The following TET3 variants were observed in gnomAD, a reference collection of about 807,000 sequenced individuals.
The protein encoded by TET3 is tet methylcytosine dioxygenase 3.
A neutral mutation model predicts 141.4 loss-of-function variants in TET3; 19 were observed. The observed-to-expected ratio is 0.13, with a 90% CI of 0.09 to 0.20. The LOEUF is 0.20. Among genes scored for constraint, TET3 ranks in the 10% least tolerant of loss-of-function variants. TET3 has a pLI of 1.00. For synonymous variants in TET3, 1,043 were observed against 980.9 expected (o/e 1.06, Z -1.18); for missense variants, 1,874 against 2,356.9 (o/e 0.80, Z 4.24).
In TET3 at chr2:74,046,397, A is replaced by C; in HGVS notation, c.480A>C (p.Arg160Ser). ...CAGGGGTGCCGGTCAATGGTGCTAGAGAGCCCGCTGGACCCAGTCTGCTGG... is the reference window on the plus strand; with the variant it reads ...CAGGGGTGCCGGTCAATGGTGCTAGCGAGCCCGCTGGACCCAGTCTGCTGG... ...SASGVPVNGA[R>S]EPAGPSLLGT... Residue 160 changes from arginine to serine, a missense_variant, in exon 4 of 12, where the codon AGA becomes AGC. By Grantham distance (110) the Arg-to-Ser change is moderately radical. Around this residue, in one of 10 missense-constraint regions of TET3, gnomAD observed 366 missense variants for 487.0 expected, o/e 0.75. Coordinates refer to ENST00000409262, the MANE Select transcript of TET3 (RefSeq NM_001287491.2). This position sits in a 1 kb window ranked among gnomAD's most constrained non-coding sequence, Gnocchi z 4.3. The C allele has an allele frequency of 6.4e-7, 1 of 1,566,630 alleles. No homozygotes were observed. The highest frequency in any genetic ancestry group is 1.4e-5 in the African/African-American group (1 of 73,638).
chr2:74,075,956 G>A (rs149523140), intron 5 of TET3, among the ~76,000 whole-genome samples: 4 of 152,292 alleles, frequency 2.6e-5, no homozygotes, highest in Non-Finnish European at 5.9e-5. Flanking sequence ...TTTTTGTAAG[G>A]AATCCTGACA....
chr2:74,025,487 C>T (rs1400454764), intron 3 of TET3, among the ~76,000 whole-genome samples: 4 of 151,804 alleles, frequency 2.6e-5, no homozygotes, highest in Non-Finnish European at 5.9e-5. Flanking sequence ...CGGGGTTTCA[C>T]CTTGTTAGCC....
At chr2:74,018,707 T>A (rs1685865929) in intron 3 of TET3, among the ~76,000 whole-genome samples, 1 of 151,882 alleles carries the variant, frequency 6.6e-6, no homozygotes, top group Non-Finnish European at 1.5e-5. Flanking sequence ...ATTACCACCA[T>A]TTTTATATAA....
At chr2:74,015,622 C>T (rs1000722522) in intron 3 of TET3, among the ~76,000 whole-genome samples, 1 of 152,072 alleles carries the variant, frequency 6.6e-6, no homozygotes, top group African/African-American at 2.4e-5. Context: ...TATAATTTAA[C>T]TTCTTATTGA....
At chr2:74,131,270 A>G in the TET3 span, among the ~76,000 whole-genome samples, 1 of 152,222 alleles carries the variant, frequency 6.6e-6, no homozygotes, top group East Asian at 1.9e-4. Context: ...TGACCTTCTC[A>G]GTCCATTTGT....
At chr2:74,134,097 A>G in the TET3 span, among the ~76,000 whole-genome samples, 1 of 152,186 alleles carries the variant, frequency 6.6e-6, no homozygotes, top group Non-Finnish European at 1.5e-5. Context: ...AGAAAGACAA[A>G]TAGGTTCCAC....
At chr2:74,115,339 T>C in the TET3 span, among the ~76,000 whole-genome samples, 2 of 152,300 alleles carry the variant, frequency 1.3e-5, no homozygotes, top group East Asian at 3.9e-4. Flanking sequence ...AAATACCACA[T>C]GTTCTCACTT....
intron 4 of TET3, among the ~76,000 whole-genome samples, chr2:74,052,255 C>T (rs61190810): frequency 0.012 from 1,860 of 152,246 alleles, 38 homozygotes; most frequent in African/African-American, 0.042. Context: ...GCTAGGATTA[C>T]AGGTATAAGC....
At chr2:74,071,645 G>C (rs1174692573) in intron 4 of TET3, among the ~76,000 whole-genome samples, 1 of 152,174 alleles carries the variant, frequency 6.6e-6, no homozygotes, top group Non-Finnish European at 1.5e-5. Context: ...GATTTCATCA[G>C]TTTTTCCACC....
Position 74,046,381 on chromosome 2 carries a change from C to A in TET3, c.464C>A (p.Pro155Gln), listed in dbSNP as rs766359553. 1.9e-6 allele frequency: 3 copies of A among 1,540,804 alleles called. No homozygotes were observed. The highest frequency in any genetic ancestry group is 2.6e-6 in the Non-Finnish European group (3 of 1,147,342). ...CGGCAGCTAAGCGCCTCAGGGGTGC[C>A]GGTCAATGGTGCTAGAGAGCCCGCT... is the stretch of plus-strand genomic sequence containing the variant. ...DSRQLSASGV[P>Q]VNGAREPAGP... Residue 155 changes from proline to glutamine, a missense_variant, in exon 4 of 12, where the codon CCG becomes CAG. Coordinates refer to ENST00000409262, the MANE Select transcript of TET3 (RefSeq NM_001287491.2). This position sits in a 1 kb window ranked among gnomAD's most constrained non-coding sequence, Gnocchi z 4.3.
Position 74,047,714 on chromosome 2 carries a change from C to T in TET3, c.1797C>T (p.Ile599=), listed in dbSNP as rs753072562. 6.2e-7 allele frequency: 1 copy of T among 1,613,514 alleles called. No homozygotes were observed. Among genetic ancestry groups the T allele is most frequent in the Non-Finnish European group, 8.5e-7 (1 of 1,179,672 alleles). The change falls in exon 4 of 12, where the codon ATC becomes ATT. Residue 599 remains isoleucine, a synonymous_variant. Transcript: ENST00000409262. ...PVGTEKAAPG[I]KPSVRKPIQI... ...GAACGGAGAAAGCTGCCCCTGGGAT[C>T]AAGCCCAGTGTCCGAAAGCCCATTC... is the stretch of plus-strand genomic sequence containing the variant.
intron 8 of TET3, among the ~76,000 whole-genome samples, chr2:74,090,991 G>T (rs1033567360): frequency 2.0e-5 from 3 of 152,148 alleles, no homozygotes; most frequent in Non-Finnish European, 4.4e-5. Flanking sequence ...TTCCCGTGGT[G>T]CAGGGACACC....
intron 10 of TET3, among the ~76,000 whole-genome samples, chr2:74,097,195 G>GCACACACACACACACACACACACA (rs146612512): frequency 7.2e-6 from 1 of 137,960 alleles, no homozygotes. Flanking sequence ...AGCCATACAT[G>GCACACACACACACACACACACACA]CACACACACA....
intron 3 of TET3, among the ~76,000 whole-genome samples, chr2:74,030,970 GT>G (rs1686649911): frequency 6.6e-6 from 1 of 151,752 alleles, no homozygotes; most frequent in Admixed American, 6.6e-5. Context: ...ATTTTTTTTT[GT>G]AAAGGGATGT....
chr2:74,038,225 C>T (rs1238968547), intron 3 of TET3, among the ~76,000 whole-genome samples: 1 of 152,182 alleles, frequency 6.6e-6, no homozygotes, highest in Non-Finnish European at 1.5e-5. Context: ...GCTGTATGCA[C>T]ATATGAACTC....
chr2:74,127,136 G>A, the TET3 span, among the ~76,000 whole-genome samples: 2 of 152,148 alleles, frequency 1.3e-5, no homozygotes, highest in Non-Finnish European at 1.5e-5. Context: ...TTCATTATTG[G>A]CTCATCTCAT....
At chr2:74,095,925 C>G (rs1478589367) in intron 10 of TET3, among the ~76,000 whole-genome samples, 1 of 152,258 alleles carries the variant, frequency 6.6e-6, no homozygotes, top group Non-Finnish European at 1.5e-5. Flanking sequence ...TTTTGTCAGT[C>G]TCTTTCATCT....
chr2:74,109,659 T>C (rs17009632), downstream of TET3, among the ~76,000 whole-genome samples: 7,732 of 152,282 alleles, frequency 0.051, 421 homozygotes, highest in African/African-American at 0.14. Context: ...CGTGACTACA[T>C]TCTTAATTCC....
At chr2:74,006,217 G>A (rs1343275890) in intron 3 of TET3, among the ~76,000 whole-genome samples, 1 of 152,210 alleles carries the variant, frequency 6.6e-6, no homozygotes, top group East Asian at 1.9e-4. Flanking sequence ...TTTATAAGCA[G>A]CAGCCAGCTT....
Sources: gnomAD v4.1 joint callset for allele counts (sites outside exome capture counted in the v4.1 genomes callset) on GRCh38, gnomAD v4.1.1 for gene constraint, gnomAD v4.1.1 regional missense constraint, Gnocchi (gnomAD v3.1) non-coding constraint, MANE v1.5 for transcripts, NCBI Gene and HGNC (gene_info 2026-07-23, HGNC 2026-07-21) for gene names.